The following MAGI1 variants were observed in gnomAD, a reference collection of about 807,000 sequenced individuals.
MAGI1 encodes the protein membrane associated guanylate kinase, WW and PDZ domain containing 1.
A neutral mutation model predicts 139.9 loss-of-function variants in MAGI1; 58 were observed. The observed-to-expected ratio is 0.41, with a 90% CI of 0.34 to 0.52. The LOEUF (loss-of-function observed/expected upper bound fraction) is 0.52. Among genes scored for constraint, MAGI1 ranks in the 20% least tolerant of loss-of-function variants. The pLI, the probability that MAGI1 is intolerant of heterozygous loss-of-function variation, is 0.12. For missense variants in MAGI1, 1,874 were observed against 1,901.6 expected (o/e 0.99, Z 0.27); for synonymous variants, 812 against 737.9 (o/e 1.10, Z -1.63).
chr3:65,440,709 A>G (rs906700658), intron 8 of MAGI1, among the ~76,000 whole-genome samples: 1 of 152,122 alleles, frequency 6.6e-6, no homozygotes, highest in African/African-American at 2.4e-5. Context: ...GAATCCAAAT[A>G]AAGTTAACCT....
At chr3:65,440,827 GTATACATA>G (rs1398338873) in intron 8 of MAGI1, among the ~76,000 whole-genome samples, 3 of 115,870 alleles carry the variant, frequency 2.6e-5, no homozygotes, top group Non-Finnish European at 5.5e-5. Flanking sequence ...ATGTGTACAT[GTATACATA>G]TACATATATA....
intron 1 of MAGI1, among the ~76,000 whole-genome samples, chr3:65,991,487 A>G (rs1012675349): frequency 6.6e-6 from 1 of 152,100 alleles, no homozygotes; most frequent in African/African-American, 2.4e-5. Flanking sequence ...TATGAAACCT[A>G]GGTGACAGAA....
intron 12 of MAGI1, among the ~76,000 whole-genome samples, chr3:65,413,893 A>C (rs1240223044): frequency 6.6e-6 from 1 of 152,176 alleles, no homozygotes; most frequent in Non-Finnish European, 1.5e-5. Flanking sequence ...TTAATGAAAT[A>C]TTTTAGTTGG....
At chr3:65,903,588 C>A (rs1170019173) in intron 1 of MAGI1, among the ~76,000 whole-genome samples, 1 of 152,176 alleles carries the variant, frequency 6.6e-6, no homozygotes, top group African/African-American at 2.4e-5. Flanking sequence ...CTCCAGAGAT[C>A]AGTTTCCCTA....
chr3:65,402,484 C>G (rs1944978623), intron 12 of MAGI1, among the ~76,000 whole-genome samples: 1 of 152,206 alleles, frequency 6.6e-6, no homozygotes, highest in African/African-American at 2.4e-5. Flanking sequence ...GTAATCATTT[C>G]TGCAAGCTGT....
At chr3:65,538,923 T>C (rs778263847) in intron 2 of MAGI1, among the ~76,000 whole-genome samples, 2 of 151,174 alleles carry the variant, frequency 1.3e-5, no homozygotes, top group African/African-American at 2.4e-5. Context: ...CAGAAACACA[T>C]ACCAACTACC....
At chr3:65,859,683 T>C (rs1289995762) in intron 1 of MAGI1, among the ~76,000 whole-genome samples, 1 of 150,886 alleles carries the variant, frequency 6.6e-6, no homozygotes, top group Non-Finnish European at 1.5e-5. Flanking sequence ...ATCATGCCAC[T>C]GCACGCCAGC....
intron 1 of MAGI1, among the ~76,000 whole-genome samples, chr3:65,913,122 G>A (rs892771063): frequency 5.3e-5 from 8 of 152,114 alleles, no homozygotes; most frequent in South Asian, 4.2e-4. Flanking sequence ...TTAGCCAGGC[G>A]TGGTGGTGCA....
intron 1 of MAGI1, among the ~76,000 whole-genome samples, chr3:65,854,762 AC>A (rs2059317071): frequency 6.6e-6 from 1 of 152,172 alleles, no homozygotes; most frequent in Non-Finnish European, 1.5e-5. Context: ...TAGCACCATG[AC>A]TCGCAGTTCC....
chr3:65,360,061 T>C (rs1287489345), intron 22 of MAGI1: 9 of 985,240 alleles, frequency 9.1e-6, no homozygotes, highest in Non-Finnish European at 8.4e-6. Flanking sequence ...CCTCCCCCTG[T>C]ACCTCGGACC....
chr3:65,749,693 C>A (rs1221504010), intron 1 of MAGI1, among the ~76,000 whole-genome samples: 9 of 145,388 alleles, frequency 6.2e-5, no homozygotes, highest in Admixed American at 4.9e-4. Context: ...ATATATAAAA[C>A]CAGGTCTAGT....
At chr3:65,643,409 C>T (rs949116951) in intron 1 of MAGI1, among the ~76,000 whole-genome samples, 1 of 152,152 alleles carries the variant, frequency 6.6e-6, no homozygotes, top group African/African-American at 2.4e-5. Flanking sequence ...AAGAGGGTGA[C>T]ACTTCCCCTT....
chr3:65,448,992 T>G (rs1948849106), intron 6 of MAGI1, among the ~76,000 whole-genome samples: 1 of 152,058 alleles, frequency 6.6e-6, no homozygotes, highest in East Asian at 1.9e-4. Context: ...ATACGCTCAG[T>G]GCCCAGTGTA....
intron 2 of MAGI1, among the ~76,000 whole-genome samples, chr3:65,550,421 GGAT>G (rs2079764645): frequency 6.6e-6 from 1 of 152,120 alleles, no homozygotes; most frequent in South Asian, 2.1e-4. Flanking sequence ...TTTGAGTTCT[GGAT>G]GATATCTCAC....
intron 2 of MAGI1, among the ~76,000 whole-genome samples, chr3:65,533,168 T>C (rs969806258): frequency 5.9e-5 from 9 of 152,204 alleles, no homozygotes; most frequent in Admixed American, 6.5e-5. Flanking sequence ...CCTGGCTTTG[T>C]GTTTCTTCCA....
chr3:65,453,711 T>C (rs1019897943), intron 5 of MAGI1, among the ~76,000 whole-genome samples: 1 of 152,212 alleles, frequency 6.6e-6, no homozygotes, highest in Non-Finnish European at 1.5e-5. Flanking sequence ...TTTAAGTATA[T>C]CTATGACTTG....
Position 65,463,882 on chromosome 3 carries a change from C to T in MAGI1, c.959+6401G>A, listed in dbSNP as rs141689789. ...GGGTGTATGTGTCCAGGAATTTATC[C>T]ATTTCTTCTAGATTTTCTAGTTTAT... On this transcript the variant is annotated intron_variant, in intron 5 of 22. Coordinates refer to ENST00000402939, the MANE Select transcript of MAGI1 (RefSeq NM_001033057.2). Among the ~76,000 whole-genome samples, 732 of 149,790 alleles carry T rather than the reference C, an allele frequency of 4.9e-3. 4 individuals are homozygous for T. Among genetic ancestry groups the T allele is most frequent in the African/African-American group, 0.017 (702 of 41,194 alleles).
chr3:66,029,902 T>C (rs1404027255), intron 1 of MAGI1, among the ~76,000 whole-genome samples: 1 of 152,216 alleles, frequency 6.6e-6, no homozygotes, highest in Non-Finnish European at 1.5e-5. Context: ...TCAGCTCTCC[T>C]GTTTGGATCA....
chr3:65,977,735 A>G (rs2065339284), intron 1 of MAGI1, among the ~76,000 whole-genome samples: 1 of 152,070 alleles, frequency 6.6e-6, no homozygotes. Flanking sequence ...ATAAAAAAAA[A>G]AAAGAAACCT....
Sources: gnomAD v4.1 joint callset for allele counts (sites outside exome capture counted in the v4.1 genomes callset) on GRCh38, gnomAD v4.1.1 for gene constraint, MANE v1.5 for transcripts, NCBI Gene and HGNC (gene_info 2026-07-23, HGNC 2026-07-21) for gene names.